Variants in IGSF22 observed in about 807,000 individuals in gnomAD.
IGSF22 encodes the protein immunoglobulin superfamily member 22, also known as immunoglobulin superfamily, member 22.
IGSF22 carries 119 observed loss-of-function variants against 127.0 expected under a neutral mutation model. The ratio of observed to expected loss-of-function variants is 0.94; its 90% CI spans 0.81 to 1.09. The LOEUF is 1.09. Ranked by LOEUF, IGSF22 falls within the 50% of genes least tolerant of loss-of-function variation. The pLI, the probability that IGSF22 is intolerant of heterozygous loss-of-function variation, is 0.00. For missense variants in IGSF22, 1,518 were observed against 1,716.6 expected (o/e 0.88, Z 2.04); for synonymous variants, 568 against 664.7 (o/e 0.85, Z 2.24).
At chr11:18,720,872 T>A (rs934057708) in intron 4 of IGSF22, among the ~76,000 whole-genome samples, 2 of 152,156 alleles carry the variant, frequency 1.3e-5, no homozygotes, top group Admixed American at 6.5e-5. Flanking sequence ...GCAGACTACT[T>A]CTGTCTGTGG....
chr11:18,714,305 C>G lies in IGSF22; in HGVS notation c.1770G>C (p.Thr590=), dbSNP rs374783169. ...CGATGAATACAGAGGCTTCACTTTC[C>G]GTGCCCTTGGCCCGGAATGTGTACT... ...EGKYTFRAKG[T]ESEASVFIAD... The change falls in exon 13 of 23, where the codon ACG becomes ACC. Residue 590 remains threonine (T), a synonymous_variant. Transcript: ENST00000513874. 1.2e-6 allele frequency: 2 copies of G among 1,614,084 alleles called. No homozygotes were observed. The highest frequency in any genetic ancestry group is 2.2e-5 in the South Asian group (2 of 91,052).
Position 18,713,944 on chromosome 11 carries a change from G to C in IGSF22, c.2003C>G (p.Ser668Cys). The stretch of plus-strand genomic sequence containing the variant: ...GCCGCTGTCTTCACGCACACAGTTG[G>C]AGATGGTGAGCAGTGCCTGGTCTTC... ...RGEDQALLTI[S>C]NCVREDSGLI... Residue 668 changes from serine (S) to cysteine (C), a missense_variant, in exon 14 of 23, where the codon TCC becomes TGC. Physicochemically the swap from Ser to Cys is moderately radical, Grantham distance 112. Transcript: ENST00000513874. 1.9e-6 allele frequency: 3 copies of C among 1,614,280 alleles called. No individual in the cohort carries two copies. Among genetic ancestry groups the C allele is most frequent in the South Asian group, 1.1e-5 (1 of 91,088 alleles).
rs573845181 is a variant in IGSF22, at chr11:18,723,873, A to G, written c.109+255T>C. 6.6e-5 allele frequency among the ~76,000 whole-genome samples: 10 copies of G among 152,378 alleles called. No individual in the cohort carries two copies. The South Asian group carries it at 2.1e-3, about 32-fold the overall frequency. ...GATCTCCTTCAGCAATTAAGAGTTT[A>G]TCAATCATTCACACACATCCACATG... is the stretch of plus-strand genomic sequence containing the variant. On this transcript the variant is annotated intron_variant, in intron 2 of 22. Transcript: ENST00000513874.
chr11:18,724,688 T>C (rs544757851), intron 1 of IGSF22, among the ~76,000 whole-genome samples: 5 of 152,298 alleles, frequency 3.3e-5, no homozygotes, highest in Non-Finnish European at 7.4e-5. Context: ...AAGGAAGCTG[T>C]GTCTCTTATT....
chr11:18,717,599 T>C (rs1848486223), intron 9 of IGSF22, among the ~76,000 whole-genome samples: 1 of 152,110 alleles, frequency 6.6e-6, no homozygotes, highest in African/African-American at 2.4e-5. Flanking sequence ...GGTTTCACTA[T>C]ATTGCCCAGG....
At chr11:18,724,880 A>G (rs2121383) in intron 1 of IGSF22, among the ~76,000 whole-genome samples, 7,788 of 152,176 alleles carry the variant, frequency 0.051, 336 homozygotes, top group East Asian at 0.23. Context: ...CCATATGGAC[A>G]GGCTCCCTCC....
intron 22 of IGSF22, among the ~76,000 whole-genome samples, chr11:18,705,011 C>T (rs1354901909): frequency 1.3e-5 from 2 of 152,136 alleles, no homozygotes; most frequent in African/African-American, 4.8e-5. Flanking sequence ...GCTAAGCACT[C>T]GAGAGACAGA....
rs1848353374 is a variant in IGSF22, at chr11:18,711,361, T to C, written c.2399-533A>G. Among the ~76,000 whole-genome samples, 5 of 152,184 alleles carry C rather than the reference T, an allele frequency of 3.3e-5. No individual in the cohort carries two copies. The South Asian group carries it at 6.2e-4, about 19-fold the overall frequency. On this transcript the variant is annotated intron_variant, in intron 15 of 22. Coordinates refer to ENST00000513874, the MANE Select transcript of IGSF22 (RefSeq NM_173588.4). ...CCTGACATGGAGATTTGGAGATCAG[T>C]TGGGAGAGGTATAGCAAGTAATTCA...
chr11:18,724,036 C>T, intron 2 of IGSF22, 92 bp downstream of exon 2: 2 of 940,780 alleles, frequency 2.1e-6, no homozygotes, highest in Non-Finnish European at 3.4e-6. Context: ...CAGAGGGGCC[C>T]ATTAGTGGCA....
chr11:18,709,375 C>CT lies in IGSF22; in HGVS notation c.2998+11dup, dbSNP rs749743748. ...GTTGGGCATGAATCCCCAGCCCTCT[C>CT]TGTGTCCTCACCTGGTGGTGGCATG... On this transcript the variant is annotated intron_variant, in intron 18 of 22. Coordinates refer to ENST00000513874, the MANE Select transcript of IGSF22 (RefSeq NM_173588.4). The surrounding 1 kb of genome is among the most constrained non-coding windows in gnomAD (Gnocchi z 4.8). 39 of 1,612,050 alleles carry CT rather than the reference C, an allele frequency of 2.4e-5. No individual in the cohort carries two copies. Among genetic ancestry groups the CT allele is most frequent in the Non-Finnish European group, 3.1e-5 (37 of 1,178,916 alleles).
chr11:18,720,413 G>A, intron 4 of IGSF22, 128 bp from the exon 5 acceptor site: 1 of 657,364 alleles, frequency 1.5e-6, no homozygotes, highest in Non-Finnish European at 2.6e-6. Context: ...TATATGTGTG[G>A]AGGATTGAGC....
chr11:18,707,748 G>A, intron 20 of IGSF22, 56 bp downstream of exon 20: 2 of 1,449,692 alleles, frequency 1.4e-6, no homozygotes, highest in South Asian at 2.5e-5. Context: ...CTGGGGAGCT[G>A]TGCTTTGGAG....
chr11:18,722,522 C>T (rs1478869101), intron 2 of IGSF22, among the ~76,000 whole-genome samples: 1 of 152,082 alleles, frequency 6.6e-6, no homozygotes, highest in African/African-American at 2.4e-5. Context: ...GAGTGAGGGA[C>T]AGGACACGAC....
In IGSF22 at chr11:18,714,436, G is replaced by T. The variant is rs1260432940; in HGVS notation, c.1657-18C>A. On this transcript the variant is annotated intron_variant, in intron 12 of 22. Coordinates refer to ENST00000513874, the MANE Select transcript of IGSF22 (RefSeq NM_173588.4). ...TCCGTGATCTGGGGGTCAGGGGTGG[G>T]CCTGAGTGTGAGCATAGGCCAGGTC... 3.7e-6 allele frequency: 6 copies of T among 1,613,798 alleles called. No homozygotes were observed. Among genetic ancestry groups the T allele is most frequent in the Non-Finnish European group, 5.1e-6 (6 of 1,179,856 alleles).
chr11:18,714,385 G>A lies in IGSF22; in HGVS notation c.1690C>T (p.Gln564Ter), dbSNP rs377361038. 5.0e-6 allele frequency: 8 copies of A among 1,614,120 alleles called. No homozygotes were observed. In the African/African-American group the frequency reaches 6.7e-5, roughly 13 times the overall value. The change falls in exon 13 of 23, where the codon CAG (glutamine) becomes TAG (stop). Residue 564 changes from glutamine (Q) to a stop codon, truncating the protein, a stop_gained. Coordinates refer to ENST00000513874, the MANE Select transcript of IGSF22 (RefSeq NM_173588.4). LOFTEE classifies it high-confidence loss of function. ...AAGATGAGCTTGTGCACTGCACCCTGCTTCACAATCTGCATGCCTGGCAAG... is the reference window on the plus strand; with the variant it reads ...AAGATGAGCTTGTGCACTGCACCCTACTTCACAATCTGCATGCCTGGCAAG... ...TDLPGMQIVK[Q>*]GAVHKLIFPS...
chr11:18,707,754 T>C (rs933949219), intron 20 of IGSF22, 50 bp downstream of exon 20: 4 of 1,480,234 alleles, frequency 2.7e-6, no homozygotes, highest in East Asian at 4.9e-5. Context: ...AGCTGTGCTT[T>C]GGAGAGTGTA....
Position 18,719,860 on chromosome 11 carries a change from C to A in IGSF22, c.552G>T (p.Lys184Asn). Reference protein sequence around the residue: ...APPAPKKKQKKVANEKEMLEI... With the variant: ...APPAPKKKQKNVANEKEMLEI... ...CCAGCATCTCTTTCTCATTTGCCAC[C>A]TTCTTCTGCTTCTTCTTGGGAGCAG... The change falls in exon 7 of 23, where the codon AAG becomes AAT. Residue 184 changes from lysine (K) to asparagine (N), a missense_variant. By Grantham distance (94) the Lys-to-Asn change is moderately conservative (BLOSUM62 0). Coordinates refer to ENST00000513874, the MANE Select transcript of IGSF22 (RefSeq NM_173588.4). 1 of 1,614,168 alleles carries A rather than the reference C, an allele frequency of 6.2e-7. No homozygotes were observed. The highest frequency in any genetic ancestry group is 8.5e-7 in the Non-Finnish European group (1 of 1,180,010).
In IGSF22 at chr11:18,705,844, G is replaced by T; in HGVS notation, c.3883C>A (p.Arg1295Ser). ...VLVENELGKD[R>S]SSCTLTVYDK... ...TAGACGGTGAGCGTGCAGCTGCTGC[G>T]GTCCTTGCCCAGCTCGTTCTCCACC... The change falls in exon 22 of 23, where the codon CGC (arginine) becomes AGC (serine). Residue 1295 changes from arginine to serine, a missense_variant. By Grantham distance (110) the Arg-to-Ser change is moderately radical (BLOSUM62 -1). Transcript: ENST00000513874. 3 of 1,549,350 alleles carry T rather than the reference G, an allele frequency of 1.9e-6. No individual in the cohort carries two copies. Among genetic ancestry groups the T allele is most frequent in the Non-Finnish European group, 2.6e-6 (3 of 1,146,252 alleles).
At position 18,716,925 on chromosome 11, in the gene IGSF22, C is replaced by A. The variant is rs138780526; in HGVS notation, c.1049G>T (p.Arg350Leu). The A allele has an allele frequency of 2.0e-4, 319 of 1,614,192 alleles. No individual in the cohort carries two copies. Among genetic ancestry groups the A allele is most frequent in the Non-Finnish European group, 2.5e-4 (292 of 1,180,028 alleles). Residue 350 changes from arginine (R) to leucine (L), a missense_variant, in exon 10 of 23, where the codon CGC becomes CTC. By Grantham distance (102) the Arg-to-Leu change is moderately radical. Transcript: ENST00000513874. This position sits in a 1 kb window ranked among gnomAD's most constrained non-coding sequence, Gnocchi z 4.5. The stretch of plus-strand genomic sequence containing the variant: ...AAAGTTGGGCTCTTTCTTGGAGAGG[C>A]GGATCTCAAACACAGCTGTCTGGCG... ...TERQTAVFEI[R>L]LSKKEPNFVW...
Sources: gnomAD v4.1 joint callset for allele counts (sites outside exome capture counted in the v4.1 genomes callset) on GRCh38, gnomAD v4.1.1 for gene constraint, Gnocchi (gnomAD v3.1) non-coding constraint, MANE v1.5 for transcripts, NCBI Gene and HGNC (gene_info 2026-07-23, HGNC 2026-07-21) for gene names.